Variants in COL20A1 observed in about 807,000 individuals in gnomAD.
COL20A1 encodes collagen alpha-1(XX) chain.
A neutral mutation model predicts 152.9 loss-of-function variants in COL20A1; 164 were observed. The observed-to-expected ratio is 1.07, with a 90% CI of 0.94 to 1.22. The LOEUF (loss-of-function observed/expected upper bound fraction) is 1.22. Among genes scored for constraint, COL20A1 ranks in the 50% most tolerant of loss-of-function variants. The pLI is 0.00. For synonymous variants in COL20A1, 864 were observed against 756.0 expected (o/e 1.14, Z -2.34); for missense variants, 1,873 against 1,744.8 (o/e 1.07, Z -1.31).
intron 2 of COL20A1, among the ~76,000 whole-genome samples, chr20:63,297,115 GCA>G (rs1199918336): frequency 1.3e-5 from 2 of 152,222 alleles, no homozygotes; most frequent in Non-Finnish European, 2.9e-5. Flanking sequence ...GTGCCAATGT[GCA>G]CACACTTCCA....
chr20:63,308,735 G>A, intron 8 of COL20A1, 29 bp downstream of exon 8: 1 of 1,549,900 alleles, frequency 6.5e-7, no homozygotes. Flanking sequence ...CCCCGGCCCT[G>A]GAGTCTCACC....
At position 63,325,457 on chromosome 20, in the gene COL20A1, A is replaced by G. The variant is rs770763335; in HGVS notation, c.3311A>G (p.Lys1104Arg). Residue 1104 changes from lysine to arginine, a missense_variant, in exon 28 of 36, where the codon AAA becomes AGA. Coordinates refer to ENST00000358894, the MANE Select transcript of COL20A1 (RefSeq NM_020882.4). ...FPGPRGPPGVKGEKGDHGLPG... is the reference protein window; with the variant it reads ...FPGPRGPPGVRGEKGDHGLPG... ...CCCCTCCAGGGTCCACCAGGGGTCAAAGGAGAGAAGGGAGACCATGGGCTT... is the reference window on the plus strand; with the variant it reads ...CCCCTCCAGGGTCCACCAGGGGTCAGAGGAGAGAAGGGAGACCATGGGCTT... The G allele has an allele frequency of 3.1e-6, 5 of 1,612,736 alleles. No homozygotes were observed. The South Asian group carries it at 3.3e-5, about 11-fold the overall frequency.
Position 63,322,101 on chromosome 20 carries a change from C to G in COL20A1, c.3284C>G (p.Pro1095Arg), listed in dbSNP as rs1221161982. The part of the protein sequence containing the change: ...RNGTPGEQGF[P>R]GPRGPPGVKG... ...GGCACCCCAGGAGAGCAGGGCTTCCCAGGGCCCAGGGTAAGTTTTGGGGAG... is the reference window on the plus strand; with the variant it reads ...GGCACCCCAGGAGAGCAGGGCTTCCGAGGGCCCAGGGTAAGTTTTGGGGAG... The change falls in exon 27 of 36, where the codon CCA (proline) becomes CGA (arginine). Residue 1095 changes from proline to arginine, a missense_variant. Physicochemically the swap from Pro to Arg is moderately radical, Grantham distance 103 (BLOSUM62 -2). Transcript: ENST00000358894. The G allele has an allele frequency of 6.7e-7, 1 of 1,498,580 alleles. No homozygotes were observed. Among genetic ancestry groups the G allele is most frequent in the African/African-American group, 1.5e-5 (1 of 68,696 alleles). The allele number at this position is 1,498,580 out of a possible 1,614,324, so 92.8% of individuals were successfully genotyped here. A position where few individuals can be genotyped will look rare whatever the true frequency, so the allele number is the denominator to read the frequency against.
chr20:63,313,218 C>G lies in COL20A1; in HGVS notation c.2178C>G (p.Arg726=), dbSNP rs942097871. 1.1e-5 allele frequency: 17 copies of G among 1,612,172 alleles called. No individual in the cohort carries two copies. The highest frequency in any genetic ancestry group is 1.4e-5 in the Non-Finnish European group (17 of 1,179,574). ...TGGCCTACTACAGGGACGGGGCCCG[C>G]AGTGACCCTGTGTCCCTCCGCTATA... ...TILAYYRDGA[R]SDPVSLRYTP... is the part of the protein sequence containing the mutation. The change falls in exon 17 of 36, where the codon CGC becomes CGG. Residue 726 remains arginine (R), a synonymous_variant. Transcript: ENST00000358894. The surrounding 1 kb of genome is among the most constrained non-coding windows in gnomAD (Gnocchi z 5.9).
intron 2 of COL20A1, among the ~76,000 whole-genome samples, chr20:63,296,407 G>A (rs1396779856): frequency 2.0e-5 from 3 of 152,262 alleles, no homozygotes; most frequent in South Asian, 2.1e-4. Flanking sequence ...AGGGCCTTTC[G>A]GGGGCCATTG....
chr20:63,307,208 G>C (rs2067936750), intron 5 of COL20A1, among the ~76,000 whole-genome samples: 1 of 152,238 alleles, frequency 6.6e-6, no homozygotes, highest in South Asian at 2.1e-4. Flanking sequence ...TTTGCACCTG[G>C]TGGGCTTCTG....
chr20:63,319,645 C>A lies in COL20A1; in HGVS notation c.2916+49C>A. 7.4e-7 allele frequency: 1 copy of A among 1,348,210 alleles called. No homozygotes were observed. The highest frequency in any genetic ancestry group is 1.0e-6 in the Non-Finnish European group (1 of 967,286). 83.5% of individuals were successfully genotyped at this position (1,348,210 alleles called of 1,614,324 possible). A position where few individuals can be genotyped will look rare whatever the true frequency, so the allele number is the denominator to read the frequency against. On this transcript the variant is annotated intron_variant, in intron 23 of 35. Transcript: ENST00000358894. The surrounding 1 kb of genome is among the most constrained non-coding windows in gnomAD (Gnocchi z 4.4). ...CTCCCCCGTTCCCCCAGCTCTGGGGCAGCCCAGCCCCACAGGGACCTGCCG... is the reference window on the plus strand; with the variant it reads ...CTCCCCCGTTCCCCCAGCTCTGGGGAAGCCCAGCCCCACAGGGACCTGCCG...
At chr20:63,314,455 T>C (rs1405289878) in intron 19 of COL20A1, among the ~76,000 whole-genome samples, 1 of 151,976 alleles carries the variant, frequency 6.6e-6, no homozygotes, top group Non-Finnish European at 1.5e-5. Context: ...GGAGCTGCTG[T>C]TGCTGGTTTT....
At position 63,320,071 on chromosome 20, in the gene COL20A1, G is replaced by C. The variant is rs1201528824; in HGVS notation, c.2949G>C (p.Arg983Ser). 9.6e-6 allele frequency: 15 copies of C among 1,555,482 alleles called. No individual in the cohort carries two copies. The highest frequency in any genetic ancestry group is 8.7e-7 in the Non-Finnish European group (1 of 1,150,402). ...TGGCTGTGGGCCGCTCCAAGGTCAG[G>C]CTCTATGTGGACTGCCGGAAGGTGG... ...VHVAVGRSKV[R>S]LYVDCRKVAE... is the part of the protein sequence containing the mutation. Residue 983 changes from arginine (R) to serine (S), a missense_variant, in exon 24 of 36, where the codon AGG becomes AGC. By Grantham distance (110) the Arg-to-Ser change is moderately radical. Transcript: ENST00000358894.
chr20:63,305,556 TGTGA>T lies in COL20A1; in HGVS notation c.336_337+2del, dbSNP rs768093685. ...GCTTCCTGCTAGCTCGGAGGGAGTT[TGTGA>T]GTAAGTCCACCGTCTGCCAGCTGGG... On this transcript the variant is annotated frameshift_variant and splice_region_variant, in exon 4 of 36. Transcript: ENST00000358894. LOFTEE classifies it high-confidence loss of function. The surrounding 1 kb of genome is among the most constrained non-coding windows in gnomAD (Gnocchi z 4.9). 11 of 1,593,840 alleles carry T rather than the reference TGTGA, an allele frequency of 6.9e-6. No homozygotes were observed. Among genetic ancestry groups the T allele is most frequent in the Admixed American group, 3.6e-5 (2 of 56,336 alleles).
chr20:63,311,884 TG>T lies in COL20A1; in HGVS notation c.1664-31del. 6.6e-7 allele frequency: 1 copy of T among 1,514,162 alleles called. No individual in the cohort carries two copies. 93.8% of individuals were successfully genotyped at this position (1,514,162 alleles called of 1,614,324 possible). On this transcript the variant is annotated intron_variant, in intron 13 of 35. Coordinates refer to ENST00000358894, the MANE Select transcript of COL20A1 (RefSeq NM_020882.4). The surrounding 1 kb of genome is among the most constrained non-coding windows in gnomAD (Gnocchi z 4.4). The stretch of plus-strand genomic sequence containing the variant: ...CCTTGCCCCTGCCATGGAGGCCGCG[TG>T]CTGGCCTTGAGGCTCTGCTGTGCTT...
chr20:63,296,279 G>A (rs2067792952), intron 2 of COL20A1, among the ~76,000 whole-genome samples: 1 of 152,290 alleles, frequency 6.6e-6, no homozygotes, highest in Admixed American at 6.5e-5. Context: ...AAAGAAGCTT[G>A]CACTGTCAAT....
chr20:63,305,271 A>G lies in COL20A1; in HGVS notation c.194-146A>G, dbSNP rs557003609. The G allele has an allele frequency of 9.2e-5, 54 of 587,680 alleles. No individual in the cohort carries two copies. The highest frequency in any genetic ancestry group is 9.2e-4 in the African/African-American group (47 of 51,282). 36.4% of individuals were successfully genotyped at this position (587,680 alleles called of 1,614,324 possible). ...TTACCCAGGAGCCCATGTCCCTTCC[A>G]TCAGACCCTCTCCCTTTCTGTCTCT... On this transcript the variant is annotated intron_variant, in intron 3 of 35. Coordinates refer to ENST00000358894, the MANE Select transcript of COL20A1 (RefSeq NM_020882.4). This position sits in a 1 kb window ranked among gnomAD's most constrained non-coding sequence, Gnocchi z 4.9.
At position 63,332,314 on chromosome 20, in the gene COL20A1, C is replaced by T. The variant is rs1006321380; in HGVS notation, c.*1598C>T. 3 of 152,308 alleles carry T rather than the reference C, an allele frequency of 2.0e-5. No homozygotes were observed. Among genetic ancestry groups the T allele is most frequent in the Non-Finnish European group, 4.4e-5 (3 of 68,120 alleles). 9.4% of individuals were successfully genotyped at this position (152,308 alleles called of 1,614,324 possible). On this transcript the variant is annotated 3_prime_UTR_variant, in exon 36 of 36. Transcript: ENST00000358894. ...GCCCCTCCGTCCTGCAGGGAGGACA[C>T]CTAGGTCACTTGGCTTCTGTTGGGG...
intron 2 of COL20A1, among the ~76,000 whole-genome samples, chr20:63,295,602 G>A (rs747012314): frequency 5.9e-5 from 9 of 151,970 alleles, no homozygotes; most frequent in Non-Finnish European, 1.2e-4. Flanking sequence ...GCATTTCCAC[G>A]CAGCACCACC....
At chr20:63,320,683 G>T (rs2068149883) in intron 25 of COL20A1, among the ~76,000 whole-genome samples, 1 of 25,874 alleles carries the variant, frequency 3.9e-5, no homozygotes, top group African/African-American at 4.2e-5. Flanking sequence ...CTCATCCTCA[G>T]TGACTCCTCT....
chr20:63,316,103 G>A (rs1422868068), intron 20 of COL20A1, among the ~76,000 whole-genome samples: 1 of 152,162 alleles, frequency 6.6e-6, no homozygotes. Context: ...GCCAGCAAAG[G>A]GGAACTCACT....
At chr20:63,297,312 G>T (rs1009968343) in intron 2 of COL20A1, among the ~76,000 whole-genome samples, 2 of 151,248 alleles carry the variant, frequency 1.3e-5, no homozygotes, top group African/African-American at 4.9e-5. Context: ...CAGCCCAGGG[G>T]CCCCAGCTCA....
intron 33 of COL20A1, 29 bp downstream of exon 33, chr20:63,328,156 C>G: frequency 6.2e-7 from 1 of 1,611,614 alleles, no homozygotes; most frequent in East Asian, 2.2e-5. Context: ...GTGAGTGAGG[C>G]CAGCAGCCCT....
Sources: gnomAD v4.1 joint callset for allele counts (sites outside exome capture counted in the v4.1 genomes callset) on GRCh38, gnomAD v4.1.1 for gene constraint, Gnocchi (gnomAD v3.1) non-coding constraint, MANE v1.5 for transcripts, NCBI Gene and HGNC (gene_info 2026-07-23, HGNC 2026-07-21) for gene names.